Variants in CFAP418 observed in about 807,000 individuals in gnomAD.
CFAP418 encodes cilia and flagella associated protein 418, also known as cilia- and flagella-associated protein 418.
In CFAP418, 27 loss-of-function variants were observed where a neutral mutation model predicts 24.7. The ratio of observed to expected loss-of-function variants is 1.09; its 90% CI spans 0.81 to 1.51. CFAP418 has a LOEUF of 1.51. Ranked by LOEUF, CFAP418 falls within the 40% of genes most tolerant of loss-of-function variation. CFAP418 has a pLI of 0.00. For missense variants in CFAP418, 257 were observed against 255.2 expected (o/e 1.01, Z -0.05); for synonymous variants, 74 against 87.3 (o/e 0.85, Z 0.85).
chr8:95,255,110 C>G (rs1263364348), intron 4 of CFAP418, among the ~76,000 whole-genome samples: 1 of 152,204 alleles, frequency 6.6e-6, no homozygotes, highest in Non-Finnish European at 1.5e-5. Flanking sequence ...TCTTGCCCCT[C>G]CAACTCCCAA....
chr8:95,269,120 G>A lies in CFAP418; in HGVS notation c.70C>T (p.Arg24Trp). The A allele has an allele frequency of 1.2e-6, 2 of 1,614,132 alleles. No homozygotes were observed. Among genetic ancestry groups the A allele is most frequent in the South Asian group, 1.1e-5 (1 of 91,086 alleles). The change falls in exon 1 of 6, where the codon CGG (arginine) becomes TGG (tryptophan). Residue 24 changes from arginine (R) to tryptophan (W), a missense_variant. Coordinates refer to ENST00000286688, the MANE Select transcript of CFAP418 (RefSeq NM_177965.4). Reference sequence around the variant, plus strand: ...CCTTTGGGCTGCTCGACCATACCCCGTCTTAGAAGGTCAGGTGTGCAAAAC... The same window carrying A: ...CCTTTGGGCTGCTCGACCATACCCCATCTTAGAAGGTCAGGTGTGCAAAAC... ...SKFCTPDLLR[R>W]GMVEQPKGCG...
At position 95,247,911 on chromosome 8, in the gene CFAP418, T is replaced by C. The variant is rs181564242; in HGVS notation, c.471-141A>G. ...CATTGTTACTCAGGCTGGATTGCGG[T>C]GGCACAATCATGGCTCACTGCAGCC... On this transcript the variant is annotated intron_variant, in intron 5 of 5. Coordinates refer to ENST00000286688, the MANE Select transcript of CFAP418 (RefSeq NM_177965.4). The C allele has an allele frequency of 3.6e-3, 3,093 of 865,778 alleles. 14 individuals carry two copies. The highest frequency in any genetic ancestry group is 4.5e-3 in the Non-Finnish European group (2,686 of 590,750). 53.6% of individuals were successfully genotyped at this position (865,778 alleles called of 1,614,324 possible).
Position 95,247,677 on chromosome 8 carries a change from A to G in CFAP418, c.564T>C (p.Ile188=), listed in dbSNP as rs754757696. ...AYACQCSWRT[I]EEVTDLQTDH... ...CTGTCTGAAGGTCAGTCACTTCTTC[A>G]ATAGTTCTCCAGCTACACTGGCAGG... Residue 188 remains isoleucine (I), a synonymous_variant, in exon 6 of 6, where the codon ATT becomes ATC. Coordinates refer to ENST00000286688, the MANE Select transcript of CFAP418 (RefSeq NM_177965.4). 19 of 1,614,186 alleles carry G rather than the reference A, an allele frequency of 1.2e-5. No individual in the cohort carries two copies. In the East Asian group the frequency reaches 2.7e-4, roughly 23 times the overall value.
At chr8:95,261,337 CAT>C (rs149932306) in intron 2 of CFAP418, among the ~76,000 whole-genome samples, 1,744 of 152,264 alleles carry the variant, frequency 0.011, 24 homozygotes, top group African/African-American at 0.039. Flanking sequence ...AATTTTGGTA[CAT>C]GTTTGAAAAA....
intron 3 of CFAP418, among the ~76,000 whole-genome samples, 185 bp from the exon 4 acceptor site, chr8:95,260,090 G>A (rs1349661124): frequency 1.3e-5 from 2 of 152,104 alleles, no homozygotes; most frequent in African/African-American, 2.4e-5. Flanking sequence ...CTGCTTTATT[G>A]GATATAACCT....
At chr8:95,258,902 C>A (rs977427932) in intron 4 of CFAP418, among the ~76,000 whole-genome samples, 1 of 152,130 alleles carries the variant, frequency 6.6e-6, no homozygotes, top group Non-Finnish European at 1.5e-5. Context: ...TACCACCTAG[C>A]CTAGGTGTGG....
At chr8:95,256,913 T>C (rs776985809) in intron 4 of CFAP418, among the ~76,000 whole-genome samples, 52 of 152,130 alleles carry the variant, frequency 3.4e-4, no homozygotes, top group Non-Finnish European at 6.0e-4. Flanking sequence ...CAGGCTTTAA[T>C]TGGAGCTGAA....
At chr8:95,261,273 T>C (rs1012451592) in intron 2 of CFAP418, among the ~76,000 whole-genome samples, 2 of 152,196 alleles carry the variant, frequency 1.3e-5, no homozygotes, top group African/African-American at 2.4e-5. Flanking sequence ...GAGGCGAAAA[T>C]ATTGTTTTAC....
rs1005893077 is a variant in CFAP418 at position 95,259,140 on chromosome 8, G to C, written c.374+700C>G. Among the ~76,000 whole-genome samples, 246 of 152,312 alleles carry C rather than the reference G, an allele frequency of 1.6e-3. 1 individual carries two copies. Among genetic ancestry groups the C allele is most frequent in the African/African-American group, 5.8e-3 (240 of 41,546 alleles). ...AAAATAAGTGTTTTAGAAATAATTA[G>C]ATAAAAGTATTTTAATAAAGTAAGT... On this transcript the variant is annotated intron_variant, in intron 4 of 5. Coordinates refer to ENST00000286688, the MANE Select transcript of CFAP418 (RefSeq NM_177965.4).
At chr8:95,263,143 A>C (rs1202113420) in intron 2 of CFAP418, among the ~76,000 whole-genome samples, 2 of 152,208 alleles carry the variant, frequency 1.3e-5, no homozygotes, top group Non-Finnish European at 2.9e-5. Context: ...AGGTCCAGTA[A>C]AGCAAATGTG....
At chr8:95,265,537 CA>C (rs1203165541) in intron 1 of CFAP418, among the ~76,000 whole-genome samples, 1 of 152,054 alleles carries the variant, frequency 6.6e-6, no homozygotes, top group Non-Finnish European at 1.5e-5. Flanking sequence ...TGTTGGGTAC[CA>C]ATTCCTTATA....
At chr8:95,268,882 C>T (rs1021869263) in intron 1 of CFAP418, 153 bp downstream of exon 1, 5 of 788,124 alleles carry the variant, frequency 6.3e-6, no homozygotes, top group African/African-American at 3.5e-5. Context: ...GAATGCGCTG[C>T]CGCGGAGGGT....
chr8:95,247,826 T>TTA, intron 5 of CFAP418, 56 bp from the exon 6 acceptor site: 8 of 1,110,542 alleles, frequency 7.2e-6, no homozygotes, highest in Non-Finnish European at 8.4e-6. Flanking sequence ...GCTTAATGAT[T>TTA]AAAAAAAAAA....
At position 95,269,162 on chromosome 8, in the gene CFAP418, C is replaced by G; in HGVS notation, c.28G>C (p.Asp10His). ...GTGCAAAACTTGGACTCGACTTCAT[C>G]CAAGAGCTCGTCCAGGTCCTCCGCC... MAEDLDELL[D>H]EVESKFCTPD... The change falls in exon 1 of 6, where the codon GAT (aspartate) becomes CAT (histidine). Residue 10 changes from aspartate (D) to histidine (H), a missense_variant. Asp to His is a moderately conservative substitution (Grantham distance 81). Coordinates refer to ENST00000286688, the MANE Select transcript of CFAP418 (RefSeq NM_177965.4). 6.2e-7 allele frequency: 1 copy of G among 1,614,206 alleles called. No homozygotes were observed. Among genetic ancestry groups the G allele is most frequent in the Non-Finnish European group, 8.5e-7 (1 of 1,180,008 alleles).
At chr8:95,262,781 T>C (rs780507462) in intron 2 of CFAP418, among the ~76,000 whole-genome samples, 2 of 152,106 alleles carry the variant, frequency 1.3e-5, no homozygotes, top group Non-Finnish European at 2.9e-5. Context: ...AAAGAAGCCA[T>C]GTAAAGATAT....
chr8:95,249,751 A>T (rs573649749), intron 5 of CFAP418, among the ~76,000 whole-genome samples: 2 of 152,114 alleles, frequency 1.3e-5, no homozygotes, highest in African/African-American at 4.8e-5. Flanking sequence ...ACAGCATTCC[A>T]CTGTGTAACA....
rs1229778505 is a variant in CFAP418, at chr8:95,247,398, T to A, written c.*219A>T. On this transcript the variant is annotated 3_prime_UTR_variant, in exon 6 of 6. Transcript: ENST00000286688. ...AGTAAAGAATGTAGATGCCTGTTACTAAGTGAAACATCCATGTATCAGGAA... is the reference window on the plus strand; with the variant it reads ...AGTAAAGAATGTAGATGCCTGTTACAAAGTGAAACATCCATGTATCAGGAA... The A allele has an allele frequency of 1.9e-6, 1 of 540,084 alleles. No individual in the cohort carries two copies. Among genetic ancestry groups the A allele is most frequent in the Non-Finnish European group, 3.3e-6 (1 of 306,724 alleles). 33.5% of individuals were successfully genotyped at this position (540,084 alleles called of 1,614,324 possible).
rs1208452632 is a variant in CFAP418 at position 95,269,132 on chromosome 8, C to G, written c.58G>C (p.Asp20His). ...TCGACCATACCCCGTCTTAGAAGGTCAGGTGTGCAAAACTTGGACTCGACT... is the reference window on the plus strand; with the variant it reads ...TCGACCATACCCCGTCTTAGAAGGTGAGGTGTGCAAAACTTGGACTCGACT... ...DEVESKFCTP[D>H]LLRRGMVEQP... is the part of the protein sequence containing the mutation. The change falls in exon 1 of 6, where the codon GAC (aspartate) becomes CAC (histidine). Residue 20 changes from aspartate (D) to histidine (H), a missense_variant. Coordinates refer to ENST00000286688, the MANE Select transcript of CFAP418 (RefSeq NM_177965.4). 6.2e-7 allele frequency: 1 copy of G among 1,614,234 alleles called. No homozygotes were observed. Among genetic ancestry groups the G allele is most frequent in the African/African-American group, 1.3e-5 (1 of 75,064 alleles).
At chr8:95,258,818 A>G (rs1291055683) in intron 4 of CFAP418, among the ~76,000 whole-genome samples, 2 of 152,214 alleles carry the variant, frequency 1.3e-5, no homozygotes, top group African/African-American at 4.8e-5. Context: ...CCATTGTGTT[A>G]CCACTGCCTA....
Sources: gnomAD v4.1 joint callset for allele counts (sites outside exome capture counted in the v4.1 genomes callset) on GRCh38, gnomAD v4.1.1 for gene constraint, MANE v1.5 for transcripts, NCBI Gene and HGNC (gene_info 2026-07-23, HGNC 2026-07-21) for gene names.